Variants in CACNA1D observed in about 807,000 individuals in gnomAD.
CACNA1D encodes the protein voltage-dependent L-type calcium channel subunit alpha-1D.
CACNA1D carries 55 observed loss-of-function variants against 257.1 expected under a neutral mutation model. The observed-to-expected ratio is 0.21, with a 90% CI of 0.17 to 0.27. CACNA1D has a LOEUF of 0.27. Ranked by LOEUF, CACNA1D falls within the 10% of genes least tolerant of loss-of-function variation. CACNA1D has a pLI of 1.00. For missense variants in CACNA1D, 1,876 were observed against 2,784.0 expected (o/e 0.67, Z 7.34); for synonymous variants, 980 against 1,014.9 (o/e 0.97, Z 0.65).
intron 3 of CACNA1D, among the ~76,000 whole-genome samples, chr3:53,594,348 A>G (rs905412806): frequency 6.6e-6 from 1 of 152,188 alleles, no homozygotes; most frequent in African/African-American, 2.4e-5. Flanking sequence ...AGTCAGGATA[A>G]GCTCGATCCC....
intron 19 of CACNA1D, among the ~76,000 whole-genome samples, chr3:53,734,246 A>G (rs1230002715): frequency 1.3e-5 from 2 of 151,192 alleles, no homozygotes; most frequent in African/African-American, 4.9e-5. Context: ...TTGAAAGTGG[A>G]AAAAATCTTT....
chr3:53,753,456 G>A, intron 28 of CACNA1D, 116 bp from the exon 29 acceptor site: 1 of 771,948 alleles, frequency 1.3e-6, no homozygotes, highest in East Asian at 2.5e-5. Flanking sequence ...TGCCCAGCGA[G>A]GGTGCTGGGC....
intron 5 of CACNA1D, 96 bp from the exon 6 acceptor site, chr3:53,665,564 G>T (rs1317193998): frequency 7.7e-6 from 7 of 909,588 alleles, no homozygotes; most frequent in Admixed American, 1.9e-5. Flanking sequence ...TTATTACTAT[G>T]TGTTCTAAGT....
chr3:53,510,336 G>T (rs1003284094), intron 3 of CACNA1D, among the ~76,000 whole-genome samples: 1 of 152,124 alleles, frequency 6.6e-6, no homozygotes, highest in Non-Finnish European at 1.5e-5. Context: ...GCATTCTATG[G>T]CTTCCTTTTT....
At chr3:53,604,382 C>T (rs2093481372) in intron 3 of CACNA1D, among the ~76,000 whole-genome samples, 1 of 152,184 alleles carries the variant, frequency 6.6e-6, no homozygotes, top group Non-Finnish European at 1.5e-5. Flanking sequence ...AGCCATTCTG[C>T]ACTCTTCAGG....
At chr3:53,779,196 T>C (rs2095413319) in intron 37 of CACNA1D, among the ~76,000 whole-genome samples, 1 of 152,122 alleles carries the variant, frequency 6.6e-6, no homozygotes, top group South Asian at 2.1e-4. Flanking sequence ...AAGATCTCCA[T>C]TGAGATTAGT....
At chr3:53,713,841 A>G (rs1451901017) in intron 9 of CACNA1D, among the ~76,000 whole-genome samples, 1 of 152,146 alleles carries the variant, frequency 6.6e-6, no homozygotes, top group Non-Finnish European at 1.5e-5. Flanking sequence ...ACAGTCTGGG[A>G]CATGCAGGGC....
chr3:53,644,488 C>G (rs188654329), intron 3 of CACNA1D, among the ~76,000 whole-genome samples: 1 of 152,256 alleles, frequency 6.6e-6, no homozygotes, highest in African/African-American at 2.4e-5. Flanking sequence ...TCCTGACCCC[C>G]ACCTCTGGTA....
intron 3 of CACNA1D, among the ~76,000 whole-genome samples, chr3:53,532,401 C>T (rs1029351696): frequency 2.0e-5 from 3 of 152,170 alleles, no homozygotes; most frequent in Non-Finnish European, 4.4e-5. Context: ...CACAATCACA[C>T]CATAGGGCTG....
At chr3:53,697,558 T>G (rs1414938975) in intron 8 of CACNA1D, among the ~76,000 whole-genome samples, 1 of 152,134 alleles carries the variant, frequency 6.6e-6, no homozygotes, top group African/African-American at 2.4e-5. Flanking sequence ...GCATTCAAAT[T>G]TTTTTCTATT....
At chr3:53,515,323 C>G (rs897548906) in intron 3 of CACNA1D, among the ~76,000 whole-genome samples, 3 of 152,138 alleles carry the variant, frequency 2.0e-5, no homozygotes, top group Admixed American at 6.5e-5. Flanking sequence ...AAAGCAGGAG[C>G]TAAGGAGCAC....
At chr3:53,798,309 G>GCA (rs1491501785) in intron 40 of CACNA1D, among the ~76,000 whole-genome samples, 12 of 68,744 alleles carry the variant, frequency 1.7e-4, no homozygotes, top group Non-Finnish European at 3.8e-4. Context: ...GTATGTGTGC[G>GCA]TGTGTGTGTG....
At chr3:53,776,555 G>A (rs774006195) in intron 35 of CACNA1D, 48 bp from the exon 36 acceptor site, 45 of 1,612,216 alleles carry the variant, frequency 2.8e-5, no homozygotes, top group African/African-American at 4.0e-5. Flanking sequence ...CAGTTCTAAC[G>A]CAATCCAGCT....
chr3:53,658,957 C>T (rs750706392), intron 4 of CACNA1D, among the ~76,000 whole-genome samples: 1 of 152,164 alleles, frequency 6.6e-6, no homozygotes, highest in Non-Finnish European at 1.5e-5. Flanking sequence ...GTAATCAGAC[C>T]ACCCGATGTT....
chr3:53,553,802 T>A (rs942628345), intron 3 of CACNA1D, among the ~76,000 whole-genome samples: 1 of 150,150 alleles, frequency 6.7e-6, no homozygotes. Context: ...GAAGAGAGAG[T>A]AAAAATTAGG....
intron 40 of CACNA1D, 37 bp downstream of exon 40, chr3:53,786,989 A>G (rs779952714): frequency 1.2e-6 from 2 of 1,610,172 alleles, no homozygotes; most frequent in Non-Finnish European, 1.7e-6. Context: ...TCTTTTGACT[A>G]ACGATTTTAC....
At chr3:53,550,466 T>C (rs1436609624) in intron 3 of CACNA1D, among the ~76,000 whole-genome samples, 1 of 152,232 alleles carries the variant, frequency 6.6e-6, no homozygotes, top group Non-Finnish European at 1.5e-5. Context: ...CTTCATGAAC[T>C]GTCGGCCTTC....
At chr3:53,666,244 T>C in intron 6 of CACNA1D, 95 bp from the exon 7 acceptor site, 1 of 1,116,832 alleles carries the variant, frequency 9.0e-7, no homozygotes, top group Non-Finnish European at 1.4e-6. Context: ...GGCGGTAGGG[T>C]GTCCCGGGCT....
At chr3:53,755,641 T>G (rs1303084668) in intron 29 of CACNA1D, among the ~76,000 whole-genome samples, 1 of 152,158 alleles carries the variant, frequency 6.6e-6, no homozygotes, top group East Asian at 1.9e-4. Flanking sequence ...CACGTTACAA[T>G]TGGGAGAACT....
Sources: allele counts gnomAD v4.1 joint callset (sites outside exome capture counted in the v4.1 genomes callset), GRCh38; gene constraint gnomAD v4.1.1; transcripts MANE v1.5; gene names NCBI Gene and HGNC (gene_info 2026-07-23, HGNC 2026-07-21).